MACROD2: variants seen among roughly 807,000 people sequenced by gnomAD.
MACROD2 encodes mono-ADP ribosylhydrolase 2, also known as ADP-ribose glycohydrolase MACROD2.
In MACROD2, 36 loss-of-function variants were observed where a neutral mutation model predicts 70.4. That is an observed-to-expected ratio of 0.51 (90% CI 0.39 to 0.68). MACROD2 has a LOEUF of 0.68. MACROD2 is among the 30% of genes least tolerant of loss of function. The probability of loss-of-function intolerance (pLI) is 0.00; values close to 1 mark genes in which losing one functional copy is unlikely to be tolerated. For synonymous variants in MACROD2, 172 were observed against 178.8 expected (o/e 0.96, Z 0.30); for missense variants, 496 against 538.4 (o/e 0.92, Z 0.78).
intron 5 of MACROD2, among the ~76,000 whole-genome samples, chr20:14,742,933 A>AT (rs1180798312): frequency 6.7e-6 from 1 of 149,552 alleles, no homozygotes; most frequent in African/African-American, 2.5e-5. Flanking sequence ...TGCCCGGCTA[A>AT]TTTTTTGTAT....
At chr20:15,913,661 A>C (rs1041316300) in intron 10 of MACROD2, among the ~76,000 whole-genome samples, 1 of 152,124 alleles carries the variant, frequency 6.6e-6, no homozygotes, top group Non-Finnish European at 1.5e-5. Context: ...ATGTTGAAAA[A>C]CTGTCCATTA....
At chr20:15,035,293 A>G (rs1292598940) in intron 5 of MACROD2, among the ~76,000 whole-genome samples, 3 of 152,032 alleles carry the variant, frequency 2.0e-5, no homozygotes, top group African/African-American at 4.8e-5. Context: ...AGTCCTAGCT[A>G]CTCAGGAGGT....
chr20:15,995,649 C>CTTTTTTTTTTTTTTTTTTTTTTT lies in MACROD2; in HGVS notation c.1153+8511_1153+8512insTTTTTTTTTTTTTTTTTTTTTTT, dbSNP rs71192310. On this transcript the variant is annotated intron_variant, in intron 15 of 17. Coordinates refer to ENST00000684519, the MANE Select transcript of MACROD2 (RefSeq NM_001351661.2). ...ACAGGCATGAGCCACTATGCCCGGC[C>CTTTTTTTTTTTTTTTTTTTTTTT]TTTTTTTTTTTTTTTTTTTTAACTT... Among the ~76,000 whole-genome samples the CTTTTTTTTTTTTTTTTTTTTTTT allele has an allele frequency of 3.7e-4, 32 of 85,494 alleles. 2 individuals are homozygous for CTTTTTTTTTTTTTTTTTTTTTTT. Among genetic ancestry groups the CTTTTTTTTTTTTTTTTTTTTTTT allele is most frequent in the South Asian group, 1.2e-3 (2 of 1,720 alleles). The allele number at this position is 85,494 out of a possible 152,430, so 56.1% of individuals were successfully genotyped here. A position where few individuals can be genotyped will look rare whatever the true frequency, so the allele number is the denominator to read the frequency against.
Position 14,552,820 on chromosome 20 carries a change from G to T in MACROD2, c.301+59312G>T, listed in dbSNP as rs147294055. Among the ~76,000 whole-genome samples, 778 of 152,204 alleles carry T rather than the reference G, an allele frequency of 5.1e-3. 3 individuals are homozygous for T. Among genetic ancestry groups the T allele is most frequent in the African/African-American group, 0.018 (731 of 41,534 alleles). On this transcript the variant is annotated intron_variant, in intron 4 of 17. Coordinates refer to ENST00000684519, the MANE Select transcript of MACROD2 (RefSeq NM_001351661.2). ...CACAAAAGATTAAGAAATGGTAATT[G>T]TGTATAGGGCACTTACCATGAATGG...
At chr20:14,694,034 G>T (rs556937684) in intron 5 of MACROD2, among the ~76,000 whole-genome samples, 9 of 152,222 alleles carry the variant, frequency 5.9e-5, no homozygotes, top group East Asian at 5.8e-4. Flanking sequence ...CAGGCCCCTT[G>T]TCCTCTAAGA....
At chr20:14,740,185 A>G (rs2071716622) in intron 5 of MACROD2, among the ~76,000 whole-genome samples, 1 of 152,158 alleles carries the variant, frequency 6.6e-6, no homozygotes, top group African/African-American at 2.4e-5. Context: ...TATTATATTA[A>G]GCATTTTGAG....
At chr20:14,100,822 A>T (rs1387243637) in intron 3 of MACROD2, among the ~76,000 whole-genome samples, 1 of 138,196 alleles carries the variant, frequency 7.2e-6, no homozygotes, top group Non-Finnish European at 1.5e-5. Context: ...CATATATCAT[A>T]TATAACATAT....
chr20:14,795,415 C>T (rs1444988447), intron 5 of MACROD2, among the ~76,000 whole-genome samples: 2 of 151,924 alleles, frequency 1.3e-5, no homozygotes, highest in African/African-American at 4.8e-5. Flanking sequence ...TGGACATGAG[C>T]ATGGGTAGGA....
intron 8 of MACROD2, among the ~76,000 whole-genome samples, chr20:15,509,502 A>C (rs913844452): frequency 5.9e-5 from 9 of 152,202 alleles, no homozygotes; most frequent in African/African-American, 2.2e-4. Flanking sequence ...GTATATCTGA[A>C]AAAGAACGGA....
intron 4 of MACROD2, among the ~76,000 whole-genome samples, chr20:14,615,364 C>T (rs906644201): frequency 2.4e-4 from 37 of 152,052 alleles, no homozygotes; most frequent in African/African-American, 8.5e-4. Context: ...CCGCGTCCAT[C>T]ACATGCAACA....
chr20:15,722,934 A>G (rs548203951), intron 8 of MACROD2, among the ~76,000 whole-genome samples: 10 of 152,098 alleles, frequency 6.6e-5, no homozygotes, highest in Non-Finnish European at 1.2e-4. Flanking sequence ...TTTCTTTTCT[A>G]TATTAATATC....
intron 6 of MACROD2, among the ~76,000 whole-genome samples, chr20:15,327,791 A>T (rs1341721104): frequency 6.6e-6 from 1 of 152,008 alleles, no homozygotes; most frequent in Non-Finnish European, 1.5e-5. Context: ...CATCACTATC[A>T]TGTGATGGAT....
intron 7 of MACROD2, among the ~76,000 whole-genome samples, chr20:15,453,896 T>G (rs1481596542): frequency 1.3e-5 from 2 of 152,000 alleles, no homozygotes; most frequent in Non-Finnish European, 2.9e-5. Context: ...GCCCCCAGAG[T>G]GGGAGGTCTC....
intron 3 of MACROD2, among the ~76,000 whole-genome samples, chr20:14,394,225 C>T (rs1009938190): frequency 2.6e-5 from 4 of 152,110 alleles, no homozygotes; most frequent in Non-Finnish European, 5.9e-5. Context: ...TTTGAGTTAT[C>T]AAGCCTTTCA....
intron 3 of MACROD2, among the ~76,000 whole-genome samples, chr20:14,356,803 C>T (rs1293580496): frequency 6.6e-6 from 1 of 152,086 alleles, no homozygotes; most frequent in Non-Finnish European, 1.5e-5. Context: ...CCGTGCCTGG[C>T]CTGGAGGATC....
intron 5 of MACROD2, among the ~76,000 whole-genome samples, chr20:14,726,054 TAAA>T (rs1355125585): frequency 6.6e-6 from 1 of 152,158 alleles, no homozygotes; most frequent in Non-Finnish European, 1.5e-5. Context: ...TTCCAATTGA[TAAA>T]AATGAATTAT....
intron 3 of MACROD2, among the ~76,000 whole-genome samples, chr20:14,487,159 T>C (rs1436570666): frequency 5.3e-5 from 8 of 152,170 alleles, no homozygotes; most frequent in Non-Finnish European, 1.2e-4. Flanking sequence ...TTCTGTTAAG[T>C]CCTAGCTTGT....
intron 5 of MACROD2, among the ~76,000 whole-genome samples, chr20:14,981,992 T>C (rs575994508): frequency 3.9e-4 from 59 of 152,280 alleles, no homozygotes; most frequent in African/African-American, 1.4e-3. Context: ...AGAGACTTGT[T>C]GAATGACTTT....
At chr20:14,553,744 A>C (rs1410718688) in intron 4 of MACROD2, among the ~76,000 whole-genome samples, 2 of 152,176 alleles carry the variant, frequency 1.3e-5, no homozygotes, top group African/African-American at 4.8e-5. Flanking sequence ...CCAAAACTAC[A>C]GAAGTGGAAT....
Sources: allele counts gnomAD v4.1 joint callset (sites outside exome capture counted in the v4.1 genomes callset), GRCh38; gene constraint gnomAD v4.1.1; transcripts MANE v1.5; gene names NCBI Gene and HGNC (gene_info 2026-07-23, HGNC 2026-07-21).